The following ELAVL2 variants were observed in gnomAD, a reference collection of about 807,000 sequenced individuals.
ELAVL2 encodes the protein ELAV-like protein 2.
In ELAVL2, 4 loss-of-function variants were observed where a neutral mutation model predicts 34.6. The ratio of observed to expected loss-of-function variants is 0.12; its 90% CI spans 0.06 to 0.26. The LOEUF is 0.26. ELAVL2 is among the 10% of genes least tolerant of loss of function. The pLI, the probability that ELAVL2 is intolerant of heterozygous loss-of-function variation, is 1.00. For synonymous variants in ELAVL2, 193 were observed against 154.8 expected, an observed-to-expected ratio of 1.25 and a Z score of -1.83; for missense variants, 432 against 442.8, an observed-to-expected ratio of 0.98 and a Z score of 0.22.
intron 3 of ELAVL2, among the ~76,000 whole-genome samples, chr9:23,710,703 T>A (rs1306637526): frequency 6.6e-6 from 1 of 152,278 alleles, no homozygotes; most frequent in East Asian, 1.9e-4. Context: ...GTTATGCCTA[T>A]TTAAACGGAC....
intron 1 of ELAVL2, among the ~76,000 whole-genome samples, chr9:23,797,450 A>G (rs13287282): frequency 6.6e-6 from 1 of 152,228 alleles, no homozygotes; most frequent in East Asian, 1.9e-4. Context: ...CATGTATGAT[A>G]CACTTCAATA....
chr9:23,711,511 G>C (rs1385706130), intron 3 of ELAVL2, among the ~76,000 whole-genome samples: 1 of 152,178 alleles, frequency 6.6e-6, no homozygotes, highest in Non-Finnish European at 1.5e-5. Context: ...ACCTTCGGTA[G>C]TATTCCAAGC....
Position 23,761,256 on chromosome 9 carries a change from A to C in ELAVL2, c.229+750T>G, listed in dbSNP as rs1588199115. On this transcript the variant is annotated intron_variant, in intron 2 of 6. Transcript: ENST00000397312. ...TCGTATATTTTTAGTGTTTAACTTC[A>C]TATGTATGTCTAACTTCATGTATTT... is the stretch of plus-strand genomic sequence containing the variant. 1.3e-5 allele frequency among the ~76,000 whole-genome samples: 2 copies of C among 152,224 alleles called. 1 individual carries two copies. The highest frequency in any genetic ancestry group is 1.3e-4 in the Admixed American group (2 of 15,264).
intron 1 of ELAVL2, among the ~76,000 whole-genome samples, chr9:23,779,079 T>C (rs1267138281): frequency 1.3e-5 from 2 of 152,102 alleles, no homozygotes; most frequent in Non-Finnish European, 2.9e-5. Context: ...ACAAAAAAGA[T>C]AAAAATCACC....
chr9:23,771,597 G>A (rs1008682384), intron 1 of ELAVL2, among the ~76,000 whole-genome samples: 3 of 152,018 alleles, frequency 2.0e-5, no homozygotes, highest in Non-Finnish European at 4.4e-5. Flanking sequence ...TCATTTAGGA[G>A]CAAATATAAA....
At chr9:23,814,640 T>A (rs542629826) in intron 1 of ELAVL2, among the ~76,000 whole-genome samples, 25 of 152,074 alleles carry the variant, frequency 1.6e-4, no homozygotes, top group African/African-American at 6.0e-4. Flanking sequence ...AAAAGTGGTG[T>A]TGAATAAACT....
the ELAVL2 span, among the ~76,000 whole-genome samples, chr9:23,837,350 G>C: frequency 2.0e-5 from 3 of 152,164 alleles, no homozygotes; most frequent in Non-Finnish European, 4.4e-5. Context: ...GAGCAAGGAG[G>C]CATGAGTCCT....
chr9:23,754,624 G>C (rs944852037), intron 2 of ELAVL2, among the ~76,000 whole-genome samples: 2 of 151,868 alleles, frequency 1.3e-5, no homozygotes, highest in African/African-American at 2.4e-5. Context: ...ACCACACCTG[G>C]CTAATTTTTC....
chr9:23,768,890 A>T (rs749606304), intron 1 of ELAVL2, among the ~76,000 whole-genome samples: 11 of 152,194 alleles, frequency 7.2e-5, no homozygotes, highest in Non-Finnish European at 1.6e-4. Context: ...ATCACCAGTG[A>T]TCTTCATACT....
intron 3 of ELAVL2, among the ~76,000 whole-genome samples, chr9:23,722,633 C>T (rs989331449): frequency 1.3e-5 from 2 of 152,182 alleles, no homozygotes; most frequent in Admixed American, 6.5e-5. Flanking sequence ...AGTTTAACAT[C>T]AATAATGTGA....
intron 2 of ELAVL2, among the ~76,000 whole-genome samples, chr9:23,748,360 G>C (rs1232155252): frequency 6.6e-6 from 1 of 152,156 alleles, no homozygotes; most frequent in Non-Finnish European, 1.5e-5. Flanking sequence ...TACACACTGT[G>C]TCCTGTGTCC....
intron 2 of ELAVL2, among the ~76,000 whole-genome samples, chr9:23,733,233 AATAG>A (rs1237135534): frequency 1.3e-5 from 2 of 151,820 alleles, no homozygotes; most frequent in African/African-American, 2.4e-5. Context: ...CACTCCCAAA[AATAG>A]ATAGATATAT....
intron 2 of ELAVL2, among the ~76,000 whole-genome samples, chr9:23,755,742 C>A (rs1162495434): frequency 6.6e-6 from 1 of 152,142 alleles, no homozygotes. Flanking sequence ...CCTAAGAACA[C>A]ACACAACCTT....
chr9:23,737,444 T>G (rs377395807), intron 2 of ELAVL2, among the ~76,000 whole-genome samples: 63 of 152,342 alleles, frequency 4.1e-4, no homozygotes, highest in African/African-American at 1.1e-3. Context: ...ACAAATACCA[T>G]TAAGATGAAG....
At chr9:23,816,403 T>A (rs1160954746) in intron 1 of ELAVL2, among the ~76,000 whole-genome samples, 11 of 151,078 alleles carry the variant, frequency 7.3e-5, no homozygotes, top group African/African-American at 2.7e-4. Context: ...TATAAAAGAT[T>A]TTTGTGATAT....
chr9:23,772,359 TA>T (rs1269648656), intron 1 of ELAVL2, among the ~76,000 whole-genome samples: 2 of 151,790 alleles, frequency 1.3e-5, no homozygotes, highest in African/African-American at 4.8e-5. Flanking sequence ...AAAGGGAAAA[TA>T]AAAGACAAGG....
chr9:23,713,754 G>A (rs1291904304), intron 3 of ELAVL2, among the ~76,000 whole-genome samples: 1 of 152,114 alleles, frequency 6.6e-6, no homozygotes, highest in Non-Finnish European at 1.5e-5. Context: ...ATACAAAGCA[G>A]AAGAGAATAC....
chr9:23,754,522 G>A (rs574566634), intron 2 of ELAVL2, among the ~76,000 whole-genome samples: 3 of 151,874 alleles, frequency 2.0e-5, no homozygotes, highest in Non-Finnish European at 4.4e-5. Flanking sequence ...GCGGTGGCAC[G>A]ATCTCAGTTC....
intron 1 of ELAVL2, among the ~76,000 whole-genome samples, chr9:23,788,228 G>A (rs1460074287): frequency 6.6e-6 from 1 of 152,134 alleles, no homozygotes; most frequent in African/African-American, 2.4e-5. Flanking sequence ...ACAATAAACA[G>A]AGCTTGCTGA....
Sources: allele counts gnomAD v4.1 joint callset (sites outside exome capture counted in the v4.1 genomes callset), GRCh38; gene constraint gnomAD v4.1.1; transcripts MANE v1.5; gene names NCBI Gene and HGNC (gene_info 2026-07-23, HGNC 2026-07-21).